The following NEURL4 variants were observed in gnomAD, a reference collection of about 807,000 sequenced individuals.
The protein encoded by NEURL4 is neuralized E3 ubiquitin protein ligase 4, also known as neuralized-like protein 4.
A neutral mutation model predicts 148.0 loss-of-function variants in NEURL4; 45 were observed. That is an observed-to-expected ratio of 0.30 (90% CI 0.24 to 0.39). The LOEUF (loss-of-function observed/expected upper bound fraction) is 0.39, where lower values mean the gene tolerates loss of function less well. NEURL4 is among the 10% of genes least tolerant of loss of function. NEURL4 has a pLI of 1.00. For synonymous variants in NEURL4, 854 were observed against 869.0 expected (o/e 0.98, Z 0.30); for missense variants, 1,776 against 2,144.0 (o/e 0.83, Z 3.39).
intron 1 of NEURL4, among the ~76,000 whole-genome samples, chr17:7,328,231 A>C (rs1280139210): frequency 6.6e-6 from 1 of 152,032 alleles, no homozygotes; most frequent in African/African-American, 2.4e-5. Context: ...TGTATCATTC[A>C]TTCCTTTCCC....
rs539777055 is a variant in NEURL4, at chr17:7,324,902, G to T, written c.1710C>A (p.Ile570=). Residue 570 remains isoleucine (I), a synonymous_variant, in exon 9 of 29, where the codon ATC becomes ATA. Coordinates refer to ENST00000399464, the MANE Select transcript of NEURL4 (RefSeq NM_032442.3). This position sits in a 1 kb window ranked among gnomAD's most constrained non-coding sequence, Gnocchi z 5.9. Reference sequence around the variant, plus strand: ...CAGCCCATTTGTCCACCATCTTGTCGATGCGCACCTGGAACACCTCTCCAT... The same window carrying T: ...CAGCCCATTTGTCCACCATCTTGTCTATGCGCACCTGGAACACCTCTCCAT... ...LRDGEVFQVR[I]DKMVDKWAGS... 5.6e-6 allele frequency: 9 copies of T among 1,614,110 alleles called. No individual in the cohort carries two copies. The Admixed American group carries it at 1.5e-4, about 27-fold the overall frequency.
Position 7,318,242 on chromosome 17 carries a change from G to A in NEURL4, c.3952+27C>T, listed in dbSNP as rs774511165. The A allele has an allele frequency of 6.2e-7, 1 of 1,612,674 alleles. No homozygotes were observed. The highest frequency in any genetic ancestry group is 8.5e-7 in the Non-Finnish European group (1 of 1,178,674). ...GGTGAGGGTGGGGGAGTAGGGGCAG[G>A]AGCTGGGTCCCTTTGGGCTGGCACA... On this transcript the variant is annotated intron_variant, in intron 24 of 28. Coordinates refer to ENST00000399464, the MANE Select transcript of NEURL4 (RefSeq NM_032442.3). This position sits in a 1 kb window ranked among gnomAD's most constrained non-coding sequence, Gnocchi z 4.3.
Position 7,329,326 on chromosome 17 carries a change from G to A in NEURL4, c.-14C>T, listed in dbSNP as rs1268039535. 3 of 1,329,242 alleles carry A rather than the reference G, an allele frequency of 2.3e-6. No individual in the cohort carries two copies. The highest frequency in any genetic ancestry group is 2.9e-6 in the Non-Finnish European group (3 of 1,044,706). The allele number at this position is 1,329,242 out of a possible 1,614,324, so 82.3% of individuals were successfully genotyped here. A position where few individuals can be genotyped will look rare whatever the true frequency, so the allele number is the denominator to read the frequency against. On this transcript the variant is annotated 5_prime_UTR_variant, in exon 1 of 29. Coordinates refer to ENST00000399464, the MANE Select transcript of NEURL4 (RefSeq NM_032442.3). Reference sequence around the variant, plus strand: ...CCCTGCCGCCATCTCCGCTGACACCGGGGCAGCGCGACAGCCGCGCTTGGC... The same window carrying A: ...CCCTGCCGCCATCTCCGCTGACACCAGGGCAGCGCGACAGCCGCGCTTGGC...
At chr17:7,316,365 G>A (rs768443815) in intron 28 of NEURL4, 38 bp from the exon 29 acceptor site, 3 of 1,536,156 alleles carry the variant, frequency 2.0e-6, no homozygotes, top group Non-Finnish European at 2.7e-6. Context: ...GAAGCCTCTC[G>A]CCCCATCACC....
In NEURL4 at chr17:7,325,377, C is replaced by T; in HGVS notation, c.1463G>A (p.Ser488Asn). 1 of 1,613,464 alleles carries T rather than the reference C, an allele frequency of 6.2e-7. No individual in the cohort carries two copies. The highest frequency in any genetic ancestry group is 1.1e-5 in the South Asian group (1 of 91,088). The change falls in exon 8 of 29, where the codon AGT becomes AAT. Residue 488 changes from serine (S) to asparagine (N), a missense_variant. Physicochemically the swap from Ser to Asn is conservative, Grantham distance 46. Transcript: ENST00000399464. ...GGCGTTGTTTCGGCGGAGACGGTCA[C>T]TGTGGTTGTTATTGTGGACGATGGT... ...KVTIVHNNNH[S>N]DRLRRNNAIL... is the part of the protein sequence containing the mutation.
chr17:7,323,639 G>A lies in NEURL4; in HGVS notation c.2338+8C>T, dbSNP rs1309763532. 6.2e-7 allele frequency: 1 copy of A among 1,613,392 alleles called. No homozygotes were observed. Among genetic ancestry groups the A allele is most frequent in the Non-Finnish European group, 8.5e-7 (1 of 1,179,606 alleles). Reference sequence around the variant, plus strand: ...CAACAGCCCCCAACACACACAGACGGCCCTCACCAGCCTCAATGGAGCCTG... The same window carrying A: ...CAACAGCCCCCAACACACACAGACGACCCTCACCAGCCTCAATGGAGCCTG... On this transcript the variant is annotated splice_region_variant and intron_variant, in intron 13 of 28. Coordinates refer to ENST00000399464, the MANE Select transcript of NEURL4 (RefSeq NM_032442.3).
Position 7,322,600 on chromosome 17 carries a change from TG to T in NEURL4, c.2725+134del. ...CCCCCTCACTGGCTGCTTGCCACCGTGGGCTGTCCCTTCCCTGGAGCCGGCA... is the reference window on the plus strand; with the variant it reads ...CCCCCTCACTGGCTGCTTGCCACCGTGGCTGTCCCTTCCCTGGAGCCGGCA... On this transcript the variant is annotated intron_variant, in intron 16 of 28. Coordinates refer to ENST00000399464, the MANE Select transcript of NEURL4 (RefSeq NM_032442.3). This position sits in a 1 kb window ranked among gnomAD's most constrained non-coding sequence, Gnocchi z 5.5. The T allele has an allele frequency of 8.6e-7, 1 of 1,160,846 alleles. No individual in the cohort carries two copies. Among genetic ancestry groups the T allele is most frequent in the Non-Finnish European group, 1.2e-6 (1 of 811,980 alleles). The allele number at this position is 1,160,846 out of a possible 1,614,324, so 71.9% of individuals were successfully genotyped here.
At position 7,326,405 on chromosome 17, in the gene NEURL4, C is replaced by T; in HGVS notation, c.1204+32G>A. 2 of 1,613,532 alleles carry T rather than the reference C, an allele frequency of 1.2e-6. No individual in the cohort carries two copies. Among genetic ancestry groups the T allele is most frequent in the Non-Finnish European group, 1.7e-6 (2 of 1,179,448 alleles). ...CTTCCTTCCCCTCAGCAACACCAGG[C>T]CTGCACCCCCGCCCCTGCCCGGGGC... On this transcript the variant is annotated intron_variant, in intron 5 of 28. Coordinates refer to ENST00000399464, the MANE Select transcript of NEURL4 (RefSeq NM_032442.3). The surrounding 1 kb of genome is among the most constrained non-coding windows in gnomAD (Gnocchi z 6.0).
intron 21 of NEURL4, 73 bp from the exon 22 acceptor site, chr17:7,319,281 G>A: frequency 7.2e-7 from 1 of 1,381,122 alleles, no homozygotes; most frequent in Non-Finnish European, 9.9e-7. Flanking sequence ...AGCCAGAGAG[G>A]GAATACTGCA....
Position 7,327,200 on chromosome 17 carries a change from G to A in NEURL4, c.758C>T (p.Pro253Leu), listed in dbSNP as rs760685777. The A allele has an allele frequency of 4.5e-5, 73 of 1,612,114 alleles. No individual in the cohort carries two copies. The highest frequency in any genetic ancestry group is 5.9e-5 in the Non-Finnish European group (70 of 1,179,802). ...CTCAAGGCTGTTAGGAAACGTCTCC[G>A]GCCGGGCCTGCGCTGGGGACACCAT... Reference protein sequence around the residue: ...AFMVSPAQARPETFPNSLESH... With the variant: ...AFMVSPAQARLETFPNSLESH... Residue 253 changes from proline to leucine, a missense_variant, in exon 3 of 29, where the codon CCG (proline) becomes CTG (leucine). Physicochemically the swap from Pro to Leu is moderately conservative, Grantham distance 98. Transcript: ENST00000399464. This position sits in a 1 kb window ranked among gnomAD's most constrained non-coding sequence, Gnocchi z 6.6.
At position 7,321,595 on chromosome 17, in the gene NEURL4, T is replaced by C; in HGVS notation, c.3064A>G (p.Arg1022Gly). 1 of 1,614,098 alleles carries C rather than the reference T, an allele frequency of 6.2e-7. No homozygotes were observed. The highest frequency in any genetic ancestry group is 8.5e-7 in the Non-Finnish European group (1 of 1,180,022). Residue 1022 changes from arginine to glycine, a missense_variant, in exon 18 of 29, where the codon AGG becomes GGG. Arg to Gly is a moderately radical substitution (Grantham distance 125). Transcript: ENST00000399464. This position sits in a 1 kb window ranked among gnomAD's most constrained non-coding sequence, Gnocchi z 6.3. ...TCTAGGTTCCGGCCATAGTTCATCC[T>C]CTGGAGCTGCCCATCACGCCTCACT... ...CEVRRDGQLQRMNYGRNLERL... is the reference protein window; with the variant it reads ...CEVRRDGQLQGMNYGRNLERL...
intron 1 of NEURL4, 66 bp downstream of exon 1, chr17:7,328,965 C>T (rs971444311): frequency 2.1e-6 from 3 of 1,433,710 alleles, no homozygotes; most frequent in Non-Finnish European, 2.8e-6. Flanking sequence ...GGCTGTCCTA[C>T]CCCGTCTCCC....
chr17:7,317,665 C>A, intron 26 of NEURL4, 92 bp from the exon 27 acceptor site: 1 of 1,558,302 alleles, frequency 6.4e-7, no homozygotes, highest in Non-Finnish European at 8.8e-7. Flanking sequence ...CAGGAAGTCC[C>A]TGGCACTTCC....
chr17:7,318,559 A>AC lies in NEURL4; in HGVS notation c.3799dup (p.Val1267GlyfsTer21). 6.2e-7 allele frequency: 1 copy of AC among 1,613,390 alleles called. No individual in the cohort carries two copies. Among genetic ancestry groups the AC allele is most frequent in the East Asian group, 2.2e-5 (1 of 44,862 alleles). ...GGGCTGGGGCACATCTGGCACAGCT[A>AC]CCCCCTGGTCCACCCCATTAACATG... On this transcript the variant is annotated frameshift_variant, in exon 23 of 29. Transcript: ENST00000399464. LOFTEE classifies it high-confidence loss of function. The surrounding 1 kb of genome is among the most constrained non-coding windows in gnomAD (Gnocchi z 4.3).
chr17:7,318,946 A>G lies in NEURL4; in HGVS notation c.3684+104T>C. 7.6e-7 allele frequency: 1 copy of G among 1,317,432 alleles called. No homozygotes were observed. Among genetic ancestry groups the G allele is most frequent in the Non-Finnish European group, 1.0e-6 (1 of 960,758 alleles). The allele number at this position is 1,317,432 out of a possible 1,614,324, so 81.6% of individuals were successfully genotyped here. Reference sequence around the variant, plus strand: ...CTGCCCATTACTGTTCCCCTTTTACACCTGTGGTCCTACCTCCAAGGCTAG... The same window carrying G: ...CTGCCCATTACTGTTCCCCTTTTACGCCTGTGGTCCTACCTCCAAGGCTAG... On this transcript the variant is annotated intron_variant, in intron 22 of 28. Transcript: ENST00000399464. This position sits in a 1 kb window ranked among gnomAD's most constrained non-coding sequence, Gnocchi z 4.3.
chr17:7,316,460 G>T, intron 28 of NEURL4, 133 bp from the exon 29 acceptor site: 1 of 677,846 alleles, frequency 1.5e-6, no homozygotes, highest in Non-Finnish European at 2.5e-6. Flanking sequence ...CGCTCTAGCT[G>T]TTCTACCTGA....
At position 7,326,981 on chromosome 17, in the gene NEURL4, C is replaced by A; in HGVS notation, c.822G>T (p.Val274=). The change falls in exon 4 of 29, where the codon GTG becomes GTT. Residue 274 remains valine (V), a synonymous_variant. Transcript: ENST00000399464. This position sits in a 1 kb window ranked among gnomAD's most constrained non-coding sequence, Gnocchi z 6.0. ...NDFANMELSE[V]VSNTILSAYN... is the part of the protein sequence containing the mutation. ...AGGCAGACAGGATGGTGTTGCTCAC[C>A]ACCTCAGACAGCTCCATGTTGGCAA... 2 of 1,612,300 alleles carry A rather than the reference C, an allele frequency of 1.2e-6. No homozygotes were observed. Among genetic ancestry groups the A allele is most frequent in the East Asian group, 4.5e-5 (2 of 44,872 alleles).
chr17:7,323,446 A>G, intron 14 of NEURL4, 39 bp downstream of exon 14: 1 of 1,602,212 alleles, frequency 6.2e-7, no homozygotes, highest in Non-Finnish European at 8.6e-7. Flanking sequence ...AGCCAGCTCC[A>G]CTCAGCCCCA....
intron 28 of NEURL4, 23 bp from the exon 29 acceptor site, chr17:7,316,350 G>A: frequency 1.2e-6 from 2 of 1,600,194 alleles, no homozygotes; most frequent in South Asian, 1.1e-5. Flanking sequence ...AAAAAATAAG[G>A]GAGTGAAGCC....
Sources: allele counts gnomAD v4.1 joint callset (sites outside exome capture counted in the v4.1 genomes callset), GRCh38; gene constraint gnomAD v4.1.1; non-coding constraint Gnocchi (gnomAD v3.1); transcripts MANE v1.5; gene names NCBI Gene and HGNC (gene_info 2026-07-23, HGNC 2026-07-21).